COL11A1: variants seen among roughly 807,000 people sequenced by gnomAD.
COL11A1 encodes collagen type XI alpha 1 chain, also known as collagen alpha-1(XI) chain.
A neutral mutation model predicts 265.2 loss-of-function variants in COL11A1; 74 were observed. That is an observed-to-expected ratio of 0.28 (90% CI 0.23 to 0.34). COL11A1 has a LOEUF of 0.34. Ranked by LOEUF, COL11A1 falls within the 10% of genes least tolerant of loss-of-function variation. COL11A1 has a pLI of 1.00. For synonymous variants in COL11A1, 816 were observed against 727.6 expected (o/e 1.12, Z -1.96); for missense variants, 2,165 against 2,263.6 (o/e 0.96, Z 0.88).
chr1:102,978,569 A>T (rs2616018), intron 35 of COL11A1, 139 bp downstream of exon 35: 4 of 912,214 alleles, frequency 4.4e-6, no homozygotes, highest in Non-Finnish European at 7.0e-6. Flanking sequence ...AAATTAAAAA[A>T]TAAGCGTTTT....
At chr1:103,033,528 T>C (rs1341888463) in intron 4 of COL11A1, among the ~76,000 whole-genome samples, 3 of 152,140 alleles carry the variant, frequency 2.0e-5, no homozygotes, top group Admixed American at 6.6e-5. Context: ...TCCCACCTTG[T>C]AGCTATTATT....
chr1:103,026,125 T>A (rs1162955536), intron 6 of COL11A1, 91 bp downstream of exon 6: 20 of 1,205,106 alleles, frequency 1.7e-5, no homozygotes, highest in Non-Finnish European at 1.9e-5. Context: ...GAATGAAAGG[T>A]TTATGGTAAG....
At chr1:103,095,928 CAA>C (rs1472609948) in intron 1 of COL11A1, among the ~76,000 whole-genome samples, 1 of 151,838 alleles carries the variant, frequency 6.6e-6, no homozygotes, top group Non-Finnish European at 1.5e-5. Flanking sequence ...ACTGCATGGA[CAA>C]AACAAGAGTG....
chr1:103,040,539 A>G (rs1668728315), intron 4 of COL11A1, among the ~76,000 whole-genome samples: 1 of 151,536 alleles, frequency 6.6e-6, no homozygotes, highest in Admixed American at 6.6e-5. Flanking sequence ...TCAGATTACA[A>G]AAGGATTCTT....
chr1:103,057,167 A>G (rs1670312971), intron 4 of COL11A1, among the ~76,000 whole-genome samples: 1 of 152,196 alleles, frequency 6.6e-6, no homozygotes, highest in South Asian at 2.1e-4. Flanking sequence ...TTGCTGCTTT[A>G]TCAACTAACT....
chr1:103,033,604 G>T (rs1211065614), intron 4 of COL11A1, among the ~76,000 whole-genome samples: 4 of 151,896 alleles, frequency 2.6e-5, no homozygotes, highest in Non-Finnish European at 5.9e-5. Flanking sequence ...ATTGTTTTAT[G>T]CAATTTTGTT....
chr1:103,082,665 G>T, intron 2 of COL11A1, 140 bp downstream of exon 2: 1 of 732,450 alleles, frequency 1.4e-6, no homozygotes, highest in Non-Finnish European at 2.2e-6. Context: ...AGAAAGAATT[G>T]CATTTTACCA....
intron 4 of COL11A1, among the ~76,000 whole-genome samples, chr1:103,069,898 A>C (rs936103760): frequency 6.6e-6 from 1 of 152,028 alleles, no homozygotes; most frequent in Middle Eastern, 3.4e-3. Context: ...AAAAAGACTG[A>C]GCATATCAGA....
At chr1:102,915,751 T>C in intron 49 of COL11A1, 67 bp from the exon 50 acceptor site, 2 of 1,236,802 alleles carry the variant, frequency 1.6e-6, no homozygotes, top group South Asian at 2.6e-5. Context: ...AAAATTCAAA[T>C]GTTATCATAT....
intron 36 of COL11A1, among the ~76,000 whole-genome samples, chr1:102,973,136 C>G (rs1051941388): frequency 6.6e-6 from 1 of 152,098 alleles, no homozygotes; most frequent in Non-Finnish European, 1.5e-5. Flanking sequence ...CTGCATAAAA[C>G]TGCATACTAG....
chr1:103,070,427 GA>G (rs1173176752), intron 4 of COL11A1, among the ~76,000 whole-genome samples: 1 of 150,610 alleles, frequency 6.6e-6, no homozygotes, highest in African/African-American at 2.4e-5. Context: ...AATAACAAGG[GA>G]AAAAAAACGA....
At chr1:103,065,522 CAAAAAAAAAAAAAA>C (rs138446065) in intron 4 of COL11A1, among the ~76,000 whole-genome samples, 3 of 35,350 alleles carry the variant, frequency 8.5e-5, no homozygotes, top group Admixed American at 5.4e-4. Flanking sequence ...GACTCCGTCT[CAAAAAAAAAAAAAA>C]AAAAAAAAAA....
chr1:102,993,470 A>C (rs775140907), intron 28 of COL11A1, among the ~76,000 whole-genome samples: 1 of 152,152 alleles, frequency 6.6e-6, no homozygotes, highest in Non-Finnish European at 1.5e-5. Flanking sequence ...TAGAATACTG[A>C]TAATACCTAA....
chr1:102,907,167 C>T (rs1250520056), intron 54 of COL11A1, among the ~76,000 whole-genome samples: 2 of 152,014 alleles, frequency 1.3e-5, no homozygotes, highest in Non-Finnish European at 2.9e-5. Context: ...TAGTCACCAC[C>T]GTTCTCATGT....
rs1027575494 is a variant in COL11A1, at chr1:103,053,674, C to T, written c.651+20944G>A. On this transcript the variant is annotated intron_variant, in intron 4 of 66. Transcript: ENST00000370096. ...AAAAAGAATTACATCAAAGTTGTGG[C>T]TCTGTCTACTCTTATACAAGTGGTC... 1.1e-4 allele frequency among the ~76,000 whole-genome samples: 17 copies of T among 152,182 alleles called. 1 individual carries two copies. The highest frequency in any genetic ancestry group is 1.0e-3 in the Admixed American group (16 of 15,274).
intron 44 of COL11A1, 120 bp from the exon 45 acceptor site, chr1:102,935,233 G>T: frequency 1.3e-6 from 1 of 748,038 alleles, no homozygotes. Flanking sequence ...AAAAAAAGAA[G>T]CATCACATAG....
chr1:102,982,461 G>T (rs1471266539), intron 31 of COL11A1, among the ~76,000 whole-genome samples: 3 of 152,044 alleles, frequency 2.0e-5, no homozygotes, highest in Admixed American at 6.6e-5. Context: ...CCTGGATTAT[G>T]CAGTGAATGG....
chr1:103,082,998 A>G (rs1558037125), intron 1 of COL11A1, 26 bp from the exon 2 acceptor site: 11 of 1,609,002 alleles, frequency 6.8e-6, no homozygotes, highest in East Asian at 2.2e-5. Context: ...ACAATAAAAA[A>G]CCAGAATTGA....
intron 10 of COL11A1, among the ~76,000 whole-genome samples, chr1:103,018,311 A>G (rs1204028911): frequency 1.3e-5 from 2 of 152,168 alleles, no homozygotes; most frequent in East Asian, 3.9e-4. Context: ...ATTTTAGACG[A>G]CAAGAGTTTA....
Sources: gnomAD v4.1 joint callset for allele counts (sites outside exome capture counted in the v4.1 genomes callset) on GRCh38, gnomAD v4.1.1 for gene constraint, MANE v1.5 for transcripts, NCBI Gene and HGNC (gene_info 2026-07-23, HGNC 2026-07-21) for gene names.